Variants in RAB6A observed in about 807,000 individuals in gnomAD.
RAB6A encodes the protein ras-related protein Rab-6A.
Under a neutral mutation model 32.3 loss-of-function variants are expected in RAB6A, and 8 were observed. That is an observed-to-expected ratio of 0.25 (90% confidence interval 0.15 to 0.45). The LOEUF is 0.45. Among genes scored for constraint, RAB6A ranks in the 20% least tolerant of loss-of-function variants. The pLI is 1.00. For missense variants in RAB6A, 104 were observed against 249.4 expected, an observed-to-expected ratio of 0.42 and a Z score of 3.93; for synonymous variants, 73 against 82.1, an observed-to-expected ratio of 0.89 and a Z score of 0.60.
chr11:73,754,118 T>C (rs1213606177), intron 1 of RAB6A, among the ~76,000 whole-genome samples: 1 of 152,228 alleles, frequency 6.6e-6, no homozygotes, highest in Non-Finnish European at 1.5e-5. Context: ...TTGAGTAATC[T>C]GCCAAAGGTC....
At chr11:73,747,356 G>A (rs778076423) in intron 1 of RAB6A, among the ~76,000 whole-genome samples, 21 of 151,756 alleles carry the variant, frequency 1.4e-4, no homozygotes, top group Non-Finnish European at 2.4e-4. Flanking sequence ...GCGCCCACCA[G>A]CATGCCCAGC....
At chr11:73,757,359 C>T (rs1269147960) in intron 1 of RAB6A, among the ~76,000 whole-genome samples, 1 of 148,780 alleles carries the variant, frequency 6.7e-6, no homozygotes, top group Non-Finnish European at 1.5e-5. Context: ...GGGGGGGAGC[C>T]GGGGACTCCA....
Position 73,713,357 on chromosome 11 carries a change from T to G in RAB6A, c.401+2894A>C, listed in dbSNP as rs1590853799. ...AGACCAAGGCAGGTGGATCACGAGG[T>G]CAGGAGATCAAGACCATCCTGGCTA... is the stretch of plus-strand genomic sequence containing the variant. On this transcript the variant is annotated intron_variant, in intron 5 of 7. Transcript: ENST00000336083. Among the ~76,000 whole-genome samples, 3 of 152,172 alleles carry G rather than the reference T, an allele frequency of 2.0e-5. No individual in the cohort carries two copies. In the South Asian group the frequency reaches 6.2e-4, roughly 31 times the overall value.
intron 1 of RAB6A, chr11:73,759,976 C>T (rs1289094873): frequency 1.7e-5 from 21 of 1,233,440 alleles, no homozygotes; most frequent in Non-Finnish European, 4.3e-6. Context: ...TCAGATGTTT[C>T]CTCTATGGCC....
chr11:73,714,555 G>A (rs931958463), intron 5 of RAB6A, among the ~76,000 whole-genome samples: 1 of 151,032 alleles, frequency 6.6e-6, no homozygotes, highest in Admixed American at 6.6e-5. Flanking sequence ...CCAGCTACTC[G>A]GGAGGCTGAG....
intron 6 of RAB6A, among the ~76,000 whole-genome samples, chr11:73,688,861 T>G (rs1426303295): frequency 6.6e-6 from 1 of 152,198 alleles, no homozygotes; most frequent in African/African-American, 2.4e-5. Context: ...CACCAGGCAG[T>G]GGCTCACTCT....
intron 6 of RAB6A, among the ~76,000 whole-genome samples, chr11:73,698,426 A>G (rs1025218139): frequency 1.3e-5 from 2 of 152,198 alleles, no homozygotes; most frequent in Non-Finnish European, 2.9e-5. Flanking sequence ...CTTTGGTTTC[A>G]TATCAGTGAA....
intron 1 of RAB6A, among the ~76,000 whole-genome samples, chr11:73,732,362 G>A (rs573400615): frequency 2.2e-4 from 34 of 152,128 alleles, no homozygotes; most frequent in African/African-American, 7.9e-4. Flanking sequence ...CGAGGCGGGC[G>A]GATCACGAGG....
At chr11:73,750,741 T>C (rs193172882) in intron 1 of RAB6A, among the ~76,000 whole-genome samples, 3 of 152,336 alleles carry the variant, frequency 2.0e-5, no homozygotes, top group African/African-American at 7.2e-5. Flanking sequence ...GATGGATACT[T>C]GTTTGCCTCT....
intron 6 of RAB6A, among the ~76,000 whole-genome samples, chr11:73,703,444 C>A (rs751675534): frequency 1.3e-5 from 2 of 152,148 alleles, no homozygotes; most frequent in Non-Finnish European, 2.9e-5. Context: ...AATAAACTGA[C>A]AATTAAAAAA....
rs1186437394 is a variant in RAB6A at position 73,703,807 on chromosome 11, C to T, written c.495+3613G>A. Among the ~76,000 whole-genome samples, 12 of 151,930 alleles carry T rather than the reference C, an allele frequency of 7.9e-5. No individual in the cohort carries two copies. In the East Asian group the frequency reaches 1.4e-3, roughly 17 times the overall value. ...AAGAAGGGCTGGGCGCCGTGGCTCA[C>T]GCCTGTATACCCAGCACTTTGGGAG... On this transcript the variant is annotated intron_variant, in intron 6 of 7. Transcript: ENST00000336083.
At chr11:73,731,684 T>TAATATA (rs1318187273) in intron 1 of RAB6A, among the ~76,000 whole-genome samples, 144 of 14,276 alleles carry the variant, frequency 0.01, 6 homozygotes, top group East Asian at 0.04. Context: ...TAGATAGATA[T>TAATATA]TATATATATA....
chr11:73,695,090 A>G (rs908991435), intron 6 of RAB6A, among the ~76,000 whole-genome samples: 4 of 152,114 alleles, frequency 2.6e-5, no homozygotes, highest in Non-Finnish European at 5.9e-5. Flanking sequence ...TATATTTAAC[A>G]AACTTGGTGC....
chr11:73,703,463 C>T (rs1010727813), intron 6 of RAB6A, among the ~76,000 whole-genome samples: 4 of 152,270 alleles, frequency 2.6e-5, no homozygotes, highest in African/African-American at 9.6e-5. Context: ...AATTTCTGGC[C>T]AGATACAGTG....
intron 1 of RAB6A, among the ~76,000 whole-genome samples, chr11:73,752,329 G>A (rs1277971800): frequency 6.6e-6 from 1 of 152,108 alleles, no homozygotes; most frequent in Non-Finnish European, 1.5e-5. Flanking sequence ...GGTGGCAGAT[G>A]CCTGTAATCT....
At chr11:73,752,573 C>G (rs1946684501) in intron 1 of RAB6A, among the ~76,000 whole-genome samples, 1 of 152,076 alleles carries the variant, frequency 6.6e-6, no homozygotes, top group Non-Finnish European at 1.5e-5. Flanking sequence ...TCCTAGCACT[C>G]TGGGAGACCG....
At chr11:73,705,082 T>C (rs1158435995) in intron 6 of RAB6A, among the ~76,000 whole-genome samples, 1 of 152,174 alleles carries the variant, frequency 6.6e-6, no homozygotes, top group Non-Finnish European at 1.5e-5. Context: ...TAGACATCAG[T>C]GGTGCTTACT....
At chr11:73,741,050 T>C (rs376434804) in intron 1 of RAB6A, among the ~76,000 whole-genome samples, 7 of 152,184 alleles carry the variant, frequency 4.6e-5, no homozygotes, top group African/African-American at 1.7e-4. Flanking sequence ...TAATATTTAT[T>C]AGATCTACAG....
Position 73,677,963 on chromosome 11 carries a change from C to A in RAB6A, c.563-1G>T, listed in dbSNP as rs753481226. 6.2e-7 allele frequency: 1 copy of A among 1,614,152 alleles called. No individual in the cohort carries two copies. The highest frequency in any genetic ancestry group is 1.1e-5 in the South Asian group (1 of 91,088). ...GGCTTTTCCAGTTTTATGTCAATCA[C>A]TGAAACAAAAGTTAAGAAGCCATAA... On this transcript the variant is annotated splice_acceptor_variant, in intron 7 of 7. Coordinates refer to ENST00000336083, the MANE Select transcript of RAB6A (RefSeq NM_198896.2). LOFTEE classifies it high-confidence loss of function.
Sources: allele counts gnomAD v4.1 joint callset (sites outside exome capture counted in the v4.1 genomes callset), GRCh38; gene constraint gnomAD v4.1.1; transcripts MANE v1.5; gene names NCBI Gene and HGNC (gene_info 2026-07-23, HGNC 2026-07-21).